Variants in EPHA7 observed in about 807,000 individuals in gnomAD.
EPHA7 encodes EPH receptor A7.
In EPHA7, 25 loss-of-function variants were observed where a neutral mutation model predicts 112.6. The observed-to-expected ratio is 0.22, with a 90% CI of 0.16 to 0.31. The LOEUF is 0.31. EPHA7 is among the 10% of genes least tolerant of loss of function. The pLI, the probability that EPHA7 is intolerant of heterozygous loss-of-function variation, is 1.00. For synonymous variants in EPHA7, 437 were observed against 406.5 expected (o/e 1.07, Z -0.90); for missense variants, 962 against 1,212.6 (o/e 0.79, Z 3.07).
At chr6:93,344,228 C>A (rs536573774) in intron 5 of EPHA7, among the ~76,000 whole-genome samples, 8 of 151,604 alleles carry the variant, frequency 5.3e-5, no homozygotes, top group Admixed American at 2.0e-4. Context: ...TCTTAGATGA[C>A]AGATAGTTAT....
chr6:93,283,796 C>T (rs912746711), intron 5 of EPHA7, among the ~76,000 whole-genome samples: 1 of 152,120 alleles, frequency 6.6e-6, no homozygotes, highest in African/African-American at 2.4e-5. Context: ...ACCAAGAACC[C>T]CCCAATTCCG....
chr6:93,350,309 G>C lies in EPHA7; in HGVS notation c.1324+6408C>G, dbSNP rs1024663359. 5.9e-5 allele frequency among the ~76,000 whole-genome samples: 9 copies of C among 151,980 alleles called. 1 individual carries two copies. The South Asian group carries it at 1.0e-3, about 18-fold the overall frequency. ...CCATTAAACCAATCTGCAATTTCTCGTGTAATGGATTATGGAGCTACATTT... is the reference window on the plus strand; with the variant it reads ...CCATTAAACCAATCTGCAATTTCTCCTGTAATGGATTATGGAGCTACATTT... On this transcript the variant is annotated intron_variant, in intron 5 of 16. Transcript: ENST00000369303.
intron 3 of EPHA7, among the ~76,000 whole-genome samples, chr6:93,364,395 G>C (rs575617268): frequency 2.0e-5 from 3 of 151,970 alleles, no homozygotes; most frequent in African/African-American, 4.8e-5. Flanking sequence ...GTGGTGGCAG[G>C]CACCTGTAAC....
In EPHA7 at chr6:93,241,287, A is replaced by C. The variant is rs1419723488; in HGVS notation, c.*2139T>G. The stretch of plus-strand genomic sequence containing the variant: ...TGAGTCTAGAATCCAAAAGGAATTA[A>C]GAACACTCACTCAAACTCTTTCACT... On this transcript the variant is annotated 3_prime_UTR_variant, in exon 17 of 17. Coordinates refer to ENST00000369303, the MANE Select transcript of EPHA7 (RefSeq NM_004440.4). The C allele has an allele frequency of 4.5e-6, 1 of 221,334 alleles. No individual in the cohort carries two copies. The highest frequency in any genetic ancestry group is 9.1e-6 in the Non-Finnish European group (1 of 110,218). The allele number at this position is 221,334 out of a possible 1,614,324, so 13.7% of individuals were successfully genotyped here. A position where few individuals can be genotyped will look rare whatever the true frequency, so the allele number is the denominator to read the frequency against.
At chr6:93,392,040 T>TA (rs1226488221) in intron 3 of EPHA7, among the ~76,000 whole-genome samples, 1 of 151,990 alleles carries the variant, frequency 6.6e-6, no homozygotes, top group Non-Finnish European at 1.5e-5. Context: ...TCTAAATTTG[T>TA]AAAAAATTAT....
intron 5 of EPHA7, among the ~76,000 whole-genome samples, chr6:93,316,497 C>A (rs1562092224): frequency 6.6e-6 from 1 of 152,004 alleles, no homozygotes. Context: ...TTACATACTG[C>A]AATTATAGAA....
intron 5 of EPHA7, among the ~76,000 whole-genome samples, chr6:93,320,285 A>T (rs1357391872): frequency 6.6e-6 from 1 of 152,034 alleles, no homozygotes; most frequent in Non-Finnish European, 1.5e-5. Context: ...AGCATGTTGG[A>T]ATATTCTGCA....
intron 5 of EPHA7, among the ~76,000 whole-genome samples, chr6:93,323,917 A>G (rs779605596): frequency 1.3e-4 from 19 of 151,512 alleles, no homozygotes; most frequent in African/African-American, 4.6e-4. Context: ...TTAAAATCTT[A>G]ACTCCAGGAG....
At chr6:93,355,577 G>A (rs983661003) in intron 5 of EPHA7, among the ~76,000 whole-genome samples, 2 of 152,138 alleles carry the variant, frequency 1.3e-5, no homozygotes, top group African/African-American at 4.8e-5. Context: ...TGTTGATAAC[G>A]TAGCACTTTG....
At chr6:93,291,746 C>A (rs1299201575) in intron 5 of EPHA7, among the ~76,000 whole-genome samples, 1 of 115,580 alleles carries the variant, frequency 8.7e-6, no homozygotes, top group Admixed American at 1.2e-4. Flanking sequence ...CCAGCCTGGG[C>A]GACAGAGCGA....
chr6:93,319,993 A>G (rs868589328), intron 5 of EPHA7, among the ~76,000 whole-genome samples: 2 of 152,056 alleles, frequency 1.3e-5, no homozygotes, highest in Non-Finnish European at 2.9e-5. Flanking sequence ...TTACTAGTAC[A>G]GATTTACTAG....
At chr6:93,349,037 T>C (rs1359588873) in intron 5 of EPHA7, among the ~76,000 whole-genome samples, 3 of 151,792 alleles carry the variant, frequency 2.0e-5, no homozygotes, top group Non-Finnish European at 4.4e-5. Context: ...AATGTGAAGA[T>C]ACTGTGCAAA....
chr6:93,355,510 T>A (rs1407977202), intron 5 of EPHA7, among the ~76,000 whole-genome samples: 1 of 152,184 alleles, frequency 6.6e-6, no homozygotes. Flanking sequence ...ACCTTGTTAT[T>A]AGCTTGTTAC....
At chr6:93,258,678 T>A (rs571786728) in intron 10 of EPHA7, among the ~76,000 whole-genome samples, 3 of 148,190 alleles carry the variant, frequency 2.0e-5, no homozygotes, top group Non-Finnish European at 4.5e-5. Context: ...AAAAATTTTT[T>A]TATATATATT....
At chr6:93,254,254 G>A (rs897537571) in intron 14 of EPHA7, among the ~76,000 whole-genome samples, 1 of 151,888 alleles carries the variant, frequency 6.6e-6, no homozygotes, top group Non-Finnish European at 1.5e-5. Flanking sequence ...AACACTAAAA[G>A]AAAAAGATAA....
rs778876357 is a variant in EPHA7, at chr6:93,258,135, G to C, written c.2074C>G (p.Pro692Ala). 6.2e-7 allele frequency: 1 copy of C among 1,613,134 alleles called. No homozygotes were observed. Among genetic ancestry groups the C allele is most frequent in the South Asian group, 1.1e-5 (1 of 90,950 alleles). The change falls in exon 11 of 17, where the codon CCG becomes GCG. Residue 692 changes from proline to alanine, a missense_variant. This residue lies in a region of EPHA7 where 746 missense variants were observed against 889.2 expected (regional missense o/e 0.84). Transcript: ENST00000369303. Reference sequence around the variant, plus strand: ...ACCCCTTCCAAATGGACAACATTCGGGTGGTCAAACTGCCCCATGATGCTT... The same window carrying C: ...ACCCCTTCCAAATGGACAACATTCGCGTGGTCAAACTGCCCCATGATGCTT... ...EASIMGQFDH[P>A]NVVHLEGVVT... is the part of the protein sequence containing the mutation.
intron 9 of EPHA7, among the ~76,000 whole-genome samples, chr6:93,260,076 T>A (rs1476808349): frequency 1.3e-5 from 2 of 151,978 alleles, no homozygotes; most frequent in East Asian, 3.9e-4. Context: ...GACAGTTTCA[T>A]CTTCACCTTC....
At position 93,282,698 on chromosome 6, in the gene EPHA7, G is replaced by A. The variant is rs543821802; in HGVS notation, c.1325-10276C>T. 2.6e-4 allele frequency among the ~76,000 whole-genome samples: 39 copies of A among 152,302 alleles called. 3 individuals are homozygous for A. The South Asian group carries it at 6.8e-3, about 27-fold the overall frequency. On this transcript the variant is annotated intron_variant, in intron 5 of 16. Coordinates refer to ENST00000369303, the MANE Select transcript of EPHA7 (RefSeq NM_004440.4). ...CTGCGCACAGCGCTTGCGGGCCAGC[G>A]CGAGTTCCCGGTGGGCGTGGGCTCG...
chr6:93,389,578 T>C (rs976986115), intron 3 of EPHA7, among the ~76,000 whole-genome samples: 5 of 151,954 alleles, frequency 3.3e-5, no homozygotes, highest in Non-Finnish European at 5.9e-5. Flanking sequence ...TTACAAAAGA[T>C]GCATAAAAGT....
Sources: gnomAD v4.1 joint callset for allele counts (sites outside exome capture counted in the v4.1 genomes callset) on GRCh38, gnomAD v4.1.1 for gene constraint, gnomAD v4.1.1 regional missense constraint, MANE v1.5 for transcripts, NCBI Gene and HGNC (gene_info 2026-07-23, HGNC 2026-07-21) for gene names.